Variants in CSMD1 observed in about 807,000 individuals in gnomAD.
CSMD1 encodes CUB and sushi domain-containing protein 1.
Under a neutral mutation model 417.5 loss-of-function variants are expected in CSMD1, and 213 were observed. That is an observed-to-expected ratio of 0.51 (90% CI 0.46 to 0.57). The LOEUF (loss-of-function observed/expected upper bound fraction) is 0.57, where lower values mean the gene tolerates loss of function less well. Among genes scored for constraint, CSMD1 ranks in the 20% least tolerant of loss-of-function variants. The pLI is 0.00. For missense variants in CSMD1, 6,923 were observed against 4,529.7 expected, an observed-to-expected ratio of 1.53 and a Z score of -15.17; for synonymous variants, 2,862 against 1,736.8, an observed-to-expected ratio of 1.65 and a Z score of -16.11.
intron 2 of CSMD1, among the ~76,000 whole-genome samples, chr8:4,616,871 A>G (rs1801501446): frequency 6.6e-6 from 1 of 152,144 alleles, no homozygotes; most frequent in African/African-American, 2.4e-5. Context: ...TTAATTTTTA[A>G]AATTATAGTT....
chr8:4,987,094 C>A (rs544076769), intron 1 of CSMD1, among the ~76,000 whole-genome samples: 2 of 152,200 alleles, frequency 1.3e-5, no homozygotes, highest in Admixed American at 1.3e-4. Context: ...TACCTAGCAC[C>A]CAATGTGGCA....
intron 7 of CSMD1, among the ~76,000 whole-genome samples, chr8:3,647,469 T>C (rs542246168): frequency 2.0e-5 from 3 of 151,308 alleles, no homozygotes; most frequent in African/African-American, 7.3e-5. Context: ...TAGAGAAAAA[T>C]ACAGCATAAA....
intron 12 of CSMD1, among the ~76,000 whole-genome samples, chr8:3,462,126 C>A (rs1022092502): frequency 1.4e-5 from 2 of 141,992 alleles, no homozygotes; most frequent in Admixed American, 7.5e-5. Flanking sequence ...ATCCAGGCCC[C>A]CCCCCCCACC....
intron 22 of CSMD1, among the ~76,000 whole-genome samples, chr8:3,344,514 C>T (rs954830357): frequency 6.6e-6 from 1 of 152,162 alleles, no homozygotes; most frequent in African/African-American, 2.4e-5. Flanking sequence ...CCAATAACAA[C>T]AGAGCACTAG....
At chr8:3,578,160 G>C (rs752647005) in intron 9 of CSMD1, among the ~76,000 whole-genome samples, 6 of 152,168 alleles carry the variant, frequency 3.9e-5, no homozygotes, top group Non-Finnish European at 5.9e-5. Context: ...GCACCAGAAG[G>C]GTATAATTTC....
chr8:3,785,775 T>C (rs1799425757), intron 5 of CSMD1, among the ~76,000 whole-genome samples: 1 of 152,008 alleles, frequency 6.6e-6, no homozygotes, highest in Non-Finnish European at 1.5e-5. Context: ...CCCAGGAACC[T>C]GGAAGAGTAG....
intron 41 of CSMD1, among the ~76,000 whole-genome samples, chr8:3,129,149 T>A (rs1422181630): frequency 6.6e-6 from 1 of 152,064 alleles, no homozygotes; most frequent in Non-Finnish European, 1.5e-5. Flanking sequence ...GCCAGGGTTC[T>A]CTCCTACGTG....
intron 2 of CSMD1, among the ~76,000 whole-genome samples, chr8:4,567,489 T>G (rs1798668093): frequency 6.6e-6 from 1 of 152,190 alleles, no homozygotes; most frequent in Non-Finnish European, 1.5e-5. Context: ...TCCAATGTAC[T>G]ACTTCTTCCC....
At chr8:3,847,076 G>A (rs570874844) in intron 5 of CSMD1, among the ~76,000 whole-genome samples, 1 of 152,086 alleles carries the variant, frequency 6.6e-6, no homozygotes, top group South Asian at 2.1e-4. Context: ...CCAGGGTGGG[G>A]GAAGGCAGGA....
At chr8:2,954,749 C>G (rs865303) in intron 64 of CSMD1, among the ~76,000 whole-genome samples, 1 of 152,112 alleles carries the variant, frequency 6.6e-6, no homozygotes, top group Non-Finnish European at 1.5e-5. Flanking sequence ...GTTAGATTTA[C>G]GTCATAATTT....
At position 3,662,680 on chromosome 8, in the gene CSMD1, TC is replaced by T. The variant is rs1243173727; in HGVS notation, c.1009+45733del. 3.0e-4 allele frequency among the ~76,000 whole-genome samples: 46 copies of T among 152,248 alleles called. 1 individual carries two copies. Among genetic ancestry groups the T allele is most frequent in the African/African-American group, 1.1e-3 (46 of 41,538 alleles). On this transcript the variant is annotated intron_variant, in intron 7 of 69. Transcript: ENST00000635120. ...AGCCATGAAGAACAATCAGTTCATG[TC>T]CTTTGCAGGGACATGGATGAAGCTG...
intron 3 of CSMD1, among the ~76,000 whole-genome samples, chr8:4,248,478 C>T (rs554038678): frequency 1.3e-4 from 20 of 152,230 alleles, no homozygotes; most frequent in East Asian, 9.7e-4. Context: ...TCGTTACTTA[C>T]GAATACTTTT....
chr8:4,456,078 AAAAATG>A (rs1799461129), intron 2 of CSMD1, among the ~76,000 whole-genome samples: 1 of 128,606 alleles, frequency 7.8e-6, no homozygotes. Context: ...AAAAAAAAAA[AAAAATG>A]TGAAAGTACG....
chr8:4,612,457 C>T lies in CSMD1; in HGVS notation c.302+24885G>A, dbSNP rs114601485. On this transcript the variant is annotated intron_variant, in intron 2 of 69. Transcript: ENST00000635120. ...TAGGGAAGATGCCACCTACCTGTGT[C>T]CTTCTCAAGAACTCTGAGGTCACAT... Among the ~76,000 whole-genome samples, 190 of 152,282 alleles carry T rather than the reference C, an allele frequency of 1.2e-3. 1 individual carries two copies. Among genetic ancestry groups the T allele is most frequent in the African/African-American group, 4.4e-3 (182 of 41,556 alleles).
At chr8:4,920,741 T>G (rs887786179) in intron 1 of CSMD1, among the ~76,000 whole-genome samples, 4 of 151,684 alleles carry the variant, frequency 2.6e-5, no homozygotes, top group African/African-American at 9.7e-5. Context: ...GAGAATCACT[T>G]GAACCCAGGA....
At chr8:4,831,680 A>C (rs1488628465) in intron 1 of CSMD1, among the ~76,000 whole-genome samples, 1 of 152,168 alleles carries the variant, frequency 6.6e-6, no homozygotes, top group Non-Finnish European at 1.5e-5. Context: ...TTCATACTTC[A>C]ATGAAATGGT....
At chr8:3,223,597 A>C (rs1164595642) in intron 28 of CSMD1, 132 bp downstream of exon 28, 2 of 840,696 alleles carry the variant, frequency 2.4e-6, no homozygotes, top group Admixed American at 2.4e-5. Context: ...AGCCTGGTGT[A>C]GTCTCCATTA....
chr8:4,112,988 T>C (rs565645430), intron 3 of CSMD1, among the ~76,000 whole-genome samples: 1 of 152,302 alleles, frequency 6.6e-6, no homozygotes, highest in South Asian at 2.1e-4. Context: ...AAAGTTGTTG[T>C]TATTATATCT....
intron 50 of CSMD1, among the ~76,000 whole-genome samples, chr8:3,052,109 T>G (rs1205736097): frequency 6.6e-6 from 1 of 152,152 alleles, no homozygotes; most frequent in Non-Finnish European, 1.5e-5. Context: ...TACATTATGT[T>G]TTAACATCTT....
Sources: allele counts gnomAD v4.1 joint callset (sites outside exome capture counted in the v4.1 genomes callset), GRCh38; gene constraint gnomAD v4.1.1; transcripts MANE v1.5; gene names NCBI Gene and HGNC (gene_info 2026-07-23, HGNC 2026-07-21).